KCTD19: variants seen among roughly 807,000 people sequenced by gnomAD.
The protein encoded by KCTD19 is potassium channel tetramerization domain containing 19.
In KCTD19, 67 loss-of-function variants were observed where a neutral mutation model predicts 103.5. That is an observed-to-expected ratio of 0.65 (90% confidence interval 0.53 to 0.79). KCTD19 has a LOEUF of 0.79. Ranked by LOEUF, KCTD19 falls within the 30% of genes least tolerant of loss-of-function variation. The pLI is 0.00. For missense variants in KCTD19, 980 were observed against 1,136.1 expected, an observed-to-expected ratio of 0.86 and a Z score of 1.98; for synonymous variants, 439 against 452.2, an observed-to-expected ratio of 0.97 and a Z score of 0.37.
chr16:67,295,810 T>G (rs1019084009), intron 8 of KCTD19: 1 of 348,288 alleles, frequency 2.9e-6, no homozygotes, highest in African/African-American at 2.1e-5. Context: ...AGTGGCGCGA[T>G]CTCAGCTCAC....
chr16:67,315,851 T>C lies in KCTD19; in HGVS notation c.300+4738A>G, dbSNP rs560903182. Among the ~76,000 whole-genome samples, 7 of 151,822 alleles carry C rather than the reference T, an allele frequency of 4.6e-5. No homozygotes were observed. The South Asian group carries it at 1.5e-3, about 32-fold the overall frequency. On this transcript the variant is annotated intron_variant, in intron 2 of 15. Transcript: ENST00000304372. ...GCTGGTCTCCAACCCTGACCTCAAGTGATCCACCCACCTCGGACTCCCAAA... is the reference window on the plus strand; with the variant it reads ...GCTGGTCTCCAACCCTGACCTCAAGCGATCCACCCACCTCGGACTCCCAAA...
chr16:67,310,710 G>A (rs1046790739), intron 2 of KCTD19, among the ~76,000 whole-genome samples: 2 of 152,178 alleles, frequency 1.3e-5, no homozygotes, highest in Admixed American at 6.5e-5. Flanking sequence ...TGACAAATGC[G>A]CCCTGATGGC....
At chr16:67,325,214 T>C (rs538982499) in intron 1 of KCTD19, among the ~76,000 whole-genome samples, 2 of 142,564 alleles carry the variant, frequency 1.4e-5, no homozygotes, top group Admixed American at 6.8e-5. Context: ...TTTCTTTTTT[T>C]TTTTTTTTGA....
chr16:67,315,810 T>C (rs1471593407), intron 2 of KCTD19, among the ~76,000 whole-genome samples: 2 of 151,822 alleles, frequency 1.3e-5, no homozygotes, highest in African/African-American at 2.4e-5. Context: ...AGATGGGGTT[T>C]CTCTATGTTG....
rs2036699041 is a variant in KCTD19 at position 67,291,750 on chromosome 16, A to C, written c.2306T>G (p.Val769Gly). Residue 769 changes from valine to glycine, a missense_variant, in exon 13 of 16, where the codon GTG becomes GGG. Physicochemically the swap from Val to Gly is moderately radical, Grantham distance 109 (BLOSUM62 -3). Coordinates refer to ENST00000304372, the MANE Select transcript of KCTD19 (RefSeq NM_001100915.3). ...GAACATGCAGAAGCCATCGCTGCCCACCACGGGGGGGTGAGTCACTTTGAG... is the reference window on the plus strand; with the variant it reads ...GAACATGCAGAAGCCATCGCTGCCCCCCACGGGGGGGTGAGTCACTTTGAG... The part of the protein sequence containing the change: ...VILKVTHPPV[V>G]GSDGFCMFFE... 6.2e-7 allele frequency: 1 copy of C among 1,614,000 alleles called. No individual in the cohort carries two copies.
intron 12 of KCTD19, among the ~76,000 whole-genome samples, chr16:67,292,677 G>A (rs2036713189): frequency 1.3e-5 from 2 of 152,140 alleles, no homozygotes; most frequent in Non-Finnish European, 1.5e-5. Flanking sequence ...AGCAGAGGCA[G>A]CATCCTGGCA....
rs539106816 is a variant in KCTD19 at position 67,323,281 on chromosome 16, G to T, written c.4-2396C>A. On this transcript the variant is annotated intron_variant, in intron 1 of 15. Coordinates refer to ENST00000304372, the MANE Select transcript of KCTD19 (RefSeq NM_001100915.3). This position sits in a 1 kb window ranked among gnomAD's most constrained non-coding sequence, Gnocchi z 4.1. ...GTTCATAGAACATAATAGCCAAAAG[G>T]TTGGAATAAACCTAATGTCCATCAA... is the stretch of plus-strand genomic sequence containing the variant. Among the ~76,000 whole-genome samples, 1 of 152,292 alleles carries T rather than the reference G, an allele frequency of 6.6e-6. No homozygotes were observed. Among genetic ancestry groups the T allele is most frequent in the East Asian group, 1.9e-4 (1 of 5,190 alleles).
intron 8 of KCTD19, chr16:67,295,794 G>T: frequency 9.1e-6 from 3 of 331,104 alleles, no homozygotes; most frequent in Non-Finnish European, 1.2e-5. Flanking sequence ...ACCCAGGTTG[G>T]AGTGCAGTGG....
chr16:67,293,859 GT>G lies in KCTD19; in HGVS notation c.1902del (p.Lys634AsnfsTer6), dbSNP rs758181872. Reference sequence around the variant, plus strand: ...TCCCATTCTCTCACCAGGGAGATGAGTTTTTGCATGGGAGTGGCGGGAGGGT... The same window carrying G: ...TCCCATTCTCTCACCAGGGAGATGAGTTTTGCATGGGAGTGGCGGGAGGGT... ...TKDPPATPMQ[K>X]LISLVREWDM... is the part of the protein sequence containing the mutation. On this transcript the variant is annotated frameshift_variant, in exon 12 of 16. Transcript: ENST00000304372. LOFTEE classifies it high-confidence loss of function. This position sits in a 1 kb window ranked among gnomAD's most constrained non-coding sequence, Gnocchi z 4.0. 6.2e-7 allele frequency: 1 copy of G among 1,614,110 alleles called. No homozygotes were observed. The highest frequency in any genetic ancestry group is 1.6e-4 in the Middle Eastern group (1 of 6,062).
chr16:67,289,818 G>T, intron 15 of KCTD19, 136 bp from the exon 16 acceptor site: 1 of 605,658 alleles, frequency 1.7e-6, no homozygotes, highest in Non-Finnish European at 3.0e-6. Flanking sequence ...CTAGGGCCCA[G>T]CTCTGCCCCA....
Position 67,291,703 on chromosome 16 carries a change from T to A in KCTD19, c.2353A>T (p.Thr785Ser). 1 of 1,614,068 alleles carries A rather than the reference T, an allele frequency of 6.2e-7. No individual in the cohort carries two copies. The highest frequency in any genetic ancestry group is 8.5e-7 in the Non-Finnish European group (1 of 1,180,012). ...CMFFEDSIIYTTEMDNLRHTT... is the reference protein window; with the variant it reads ...CMFFEDSIIYSTEMDNLRHTT... ...TGCCTGAGGTTGTCCATCTCCGTGG[T>A]ATAGATGATGCTGTCCTCAAAGAAC... The change falls in exon 13 of 16, where the codon ACC becomes TCC. Residue 785 changes from threonine (T) to serine (S), a missense_variant. Thr to Ser is a moderately conservative substitution (Grantham distance 58). Coordinates refer to ENST00000304372, the MANE Select transcript of KCTD19 (RefSeq NM_001100915.3).
intron 12 of KCTD19, among the ~76,000 whole-genome samples, chr16:67,292,845 G>T (rs1276672825): frequency 6.6e-6 from 1 of 152,006 alleles, no homozygotes; most frequent in African/African-American, 2.4e-5. Flanking sequence ...CCCAAGCTCT[G>T]CTCTTTCTCT....
chr16:67,319,974 G>A (rs955646439), intron 2 of KCTD19, among the ~76,000 whole-genome samples: 2 of 152,144 alleles, frequency 1.3e-5, no homozygotes, highest in Admixed American at 1.3e-4. Flanking sequence ...CAAAAAACAA[G>A]AAGTAGCTTA....
At chr16:67,307,180 A>G (rs1047783683) in intron 2 of KCTD19, among the ~76,000 whole-genome samples, 2 of 151,298 alleles carry the variant, frequency 1.3e-5, no homozygotes, top group African/African-American at 4.9e-5. Context: ...ACAGAGTCAC[A>G]CTCTATCACC....
In KCTD19 at chr16:67,297,434, A is replaced by T. The variant is rs533692876; in HGVS notation, c.1147+69T>A. 280 of 1,471,744 alleles carry T rather than the reference A, an allele frequency of 1.9e-4. No individual in the cohort carries two copies. In the African/African-American group the frequency reaches 2.1e-3, roughly 11 times the overall value. 91.2% of individuals were successfully genotyped at this position (1,471,744 alleles called of 1,614,324 possible). A position where few individuals can be genotyped will look rare whatever the true frequency, so the allele number is the denominator to read the frequency against. ...TACAGTTCCTCGTCCTGGCCACATCATCTATTCCCTCCAATCTCCCAGATA... is the reference window on the plus strand; with the variant it reads ...TACAGTTCCTCGTCCTGGCCACATCTTCTATTCCCTCCAATCTCCCAGATA... On this transcript the variant is annotated intron_variant, in intron 7 of 15. Transcript: ENST00000304372.
chr16:67,308,598 A>G (rs774005806), intron 2 of KCTD19, among the ~76,000 whole-genome samples: 2 of 152,084 alleles, frequency 1.3e-5, no homozygotes, highest in Non-Finnish European at 2.9e-5. Flanking sequence ...ACGCTGTTCC[A>G]TCTGCCCAGA....
intron 14 of KCTD19, 69 bp from the exon 15 acceptor site, chr16:67,291,055 G>A (rs573065700): frequency 1.2e-5 from 18 of 1,519,682 alleles, no homozygotes; most frequent in African/African-American, 9.6e-5. Flanking sequence ...GATGCAGAGC[G>A]GGGACTTCTC....
At position 67,303,350 on chromosome 16, in the gene KCTD19, A is replaced by G. The variant is rs145603299; in HGVS notation, c.452-13T>C. The G allele has an allele frequency of 4.7e-4, 751 of 1,598,398 alleles. 4 individuals are homozygous for G. The African/African-American group carries it at 9.0e-3, about 19-fold the overall frequency. ...TTATCATGTAGGCCTGGAAGAGAAC[A>G]TGCAGGCAGTGTTGCCACCTCTCAG... On this transcript the variant is annotated splice_polypyrimidine_tract_variant and intron_variant, in intron 3 of 15. Transcript: ENST00000304372. This position sits in a 1 kb window ranked among gnomAD's most constrained non-coding sequence, Gnocchi z 4.3.
In KCTD19 at chr16:67,303,600, T is replaced by C. The variant is rs572042991; in HGVS notation, c.452-263A>G. Reference sequence around the variant, plus strand: ...TCTCACTCTGTTGCCCAGGCTGGAATTCAGTGGTGCCATCTTGGCTCACTG... The same window carrying C: ...TCTCACTCTGTTGCCCAGGCTGGAACTCAGTGGTGCCATCTTGGCTCACTG... On this transcript the variant is annotated intron_variant, in intron 3 of 15. Transcript: ENST00000304372. This position sits in a 1 kb window ranked among gnomAD's most constrained non-coding sequence, Gnocchi z 4.3. 7.9e-5 allele frequency among the ~76,000 whole-genome samples: 12 copies of C among 152,310 alleles called. No homozygotes were observed. The South Asian group carries it at 2.3e-3, about 29-fold the overall frequency.
Sources: allele counts gnomAD v4.1 joint callset (sites outside exome capture counted in the v4.1 genomes callset), GRCh38; gene constraint gnomAD v4.1.1; non-coding constraint Gnocchi (gnomAD v3.1); transcripts MANE v1.5; gene names NCBI Gene and HGNC (gene_info 2026-07-23, HGNC 2026-07-21).